The following TMED8 variants were observed in gnomAD, a reference collection of about 807,000 sequenced individuals.
TMED8 encodes transmembrane p24 trafficking protein family member 8.
In TMED8, 15 loss-of-function variants were observed where a neutral mutation model predicts 32.7. The observed-to-expected ratio is 0.46, with a 90% CI of 0.31 to 0.71. The LOEUF is 0.71. TMED8 is among the 30% of genes least tolerant of loss of function. The pLI is 0.06. For missense variants in TMED8, 390 were observed against 423.9 expected (o/e 0.92, Z 0.70); for synonymous variants, 147 against 161.4 (o/e 0.91, Z 0.68).
rs374684006 is a variant in TMED8, at chr14:77,372,610, C to T, written c.118+4326G>A. Among the ~76,000 whole-genome samples the T allele has an allele frequency of 2.1e-4, 32 of 152,152 alleles. 1 individual carries two copies. The East Asian group carries it at 6.0e-3, about 29-fold the overall frequency. On this transcript the variant is annotated intron_variant, in intron 1 of 5. Transcript: ENST00000216468. ...ATTTCTCTTCAGCCCTTGAGTGGGA[C>T]ATGCTCCTGAGAGGTCACTCAGATT...
chr14:77,350,180 T>TG (rs1199029881), intron 2 of TMED8, among the ~76,000 whole-genome samples: 2 of 152,082 alleles, frequency 1.3e-5, no homozygotes, highest in South Asian at 2.1e-4. Flanking sequence ...CAGTTGCATA[T>TG]GGGGGGTCTA....
At position 77,351,668 on chromosome 14, in the gene TMED8, G is replaced by C. The variant is rs760539198; in HGVS notation, c.197+5C>G. On this transcript the variant is annotated splice_donor_5th_base_variant and intron_variant, in intron 2 of 5. Transcript: ENST00000216468. ...CTGTGAAAGCATTCTATCCAAAGTG[G>C]TTACCTGTGGGGTGAGGAGCAGGGT... is the stretch of plus-strand genomic sequence containing the variant. 1 of 1,611,498 alleles carries C rather than the reference G, an allele frequency of 6.2e-7. No individual in the cohort carries two copies. The highest frequency in any genetic ancestry group is 8.5e-7 in the Non-Finnish European group (1 of 1,178,790).
chr14:77,361,912 C>T (rs1027518955), intron 1 of TMED8, among the ~76,000 whole-genome samples: 2 of 152,166 alleles, frequency 1.3e-5, no homozygotes, highest in Non-Finnish European at 2.9e-5. Flanking sequence ...ACCTCAGCCT[C>T]CCGAGTAGCT....
rs1369215163 is a variant in TMED8, at chr14:77,338,752, C to T, written c.*3019G>A. ...CCTCTAAATGTATTGAGACCTGTCT[C>T]AGATACTTTTTGGTTTACAATATAT... On this transcript the variant is annotated 3_prime_UTR_variant, in exon 6 of 6. Coordinates refer to ENST00000216468, the MANE Select transcript of TMED8 (RefSeq NM_213601.3). 6.6e-6 allele frequency: 1 copy of T among 152,208 alleles called. No individual in the cohort carries two copies. Among genetic ancestry groups the T allele is most frequent in the Non-Finnish European group, 1.5e-5 (1 of 68,032 alleles). 9.4% of individuals were successfully genotyped at this position (152,208 alleles called of 1,614,324 possible).
rs1308744982 is a variant in TMED8, at chr14:77,353,625, C to CT, written c.119-1875dup. ...CCCACCATGCCAGACTGATTTTTTT[C>CT]TTTTTTTTTTTGTAGAGATGGGGGT... On this transcript the variant is annotated intron_variant, in intron 1 of 5. Transcript: ENST00000216468. Among the ~76,000 whole-genome samples the CT allele has an allele frequency of 2.7e-3, 382 of 143,130 alleles. 1 individual carries two copies. The highest frequency in any genetic ancestry group is 3.6e-3 in the East Asian group (18 of 4,946). 93.9% of individuals were successfully genotyped at this position (143,130 alleles called of 152,430 possible).
chr14:77,351,816 C>T (rs1893187141), intron 1 of TMED8, 65 bp from the exon 2 acceptor site: 2 of 1,379,146 alleles, frequency 1.5e-6, no homozygotes, highest in Non-Finnish European at 2.0e-6. Flanking sequence ...TTATCTTGTA[C>T]CTTTAAAAAA....
In TMED8 at chr14:77,363,694, C is replaced by G. The variant is rs116629134; in HGVS notation, c.119-11943G>C. 9.7e-3 allele frequency among the ~76,000 whole-genome samples: 1,472 copies of G among 151,826 alleles called. 13 individuals carry two copies. Among genetic ancestry groups the G allele is most frequent in the African/African-American group, 0.034 (1,406 of 41,348 alleles). On this transcript the variant is annotated intron_variant, in intron 1 of 5. Transcript: ENST00000216468. ...AATAATAGTATCTCAAATAAATAGCCTAACATTATTCCTCTTTTTTTTTTT... is the reference window on the plus strand; with the variant it reads ...AATAATAGTATCTCAAATAAATAGCGTAACATTATTCCTCTTTTTTTTTTT...
At position 77,341,871 on chromosome 14, in the gene TMED8, TGGCTGCCA is replaced by T; in HGVS notation, c.870_877del (p.Gly291Ter). ...GTAGATGCCCTCACCAGGGTAGTCA[TGGCTGCCA>T]GCCTGCACGTCTCGGTGGCTGTCCC... On this transcript the variant is annotated frameshift_variant, in exon 6 of 6. Transcript: ENST00000216468. LOFTEE classifies it high-confidence loss of function. 6.2e-7 allele frequency: 1 copy of T among 1,612,180 alleles called. No homozygotes were observed. Among genetic ancestry groups the T allele is most frequent in the Non-Finnish European group, 8.5e-7 (1 of 1,179,768 alleles).
intron 1 of TMED8, among the ~76,000 whole-genome samples, chr14:77,364,536 T>C (rs1893507715): frequency 6.6e-6 from 1 of 152,058 alleles, no homozygotes; most frequent in South Asian, 2.1e-4. Flanking sequence ...TGAGCCATGA[T>C]ATTTTTTTTA....
At chr14:77,348,778 A>G (rs1381629701) in intron 2 of TMED8, among the ~76,000 whole-genome samples, 1 of 152,150 alleles carries the variant, frequency 6.6e-6, no homozygotes, top group Non-Finnish European at 1.5e-5. Flanking sequence ...TCCTTCAGAT[A>G]AAACAGAGCC....
Position 77,351,814 on chromosome 14 carries a change from T to C in TMED8, c.119-63A>G, listed in dbSNP as rs1287449688. ...AGGGAATACAATCATAATTATCTTG[T>C]ACCTTTAAAAAAATCTAGCAATTTC... On this transcript the variant is annotated intron_variant, in intron 1 of 5. Coordinates refer to ENST00000216468, the MANE Select transcript of TMED8 (RefSeq NM_213601.3). 8 of 1,385,420 alleles carry C rather than the reference T, an allele frequency of 5.8e-6. No homozygotes were observed. The Admixed American group carries it at 1.8e-4, about 31-fold the overall frequency. 85.8% of individuals were successfully genotyped at this position (1,385,420 alleles called of 1,614,324 possible).
intron 1 of TMED8, among the ~76,000 whole-genome samples, chr14:77,374,680 C>T (rs564650414): frequency 6.6e-6 from 1 of 152,254 alleles, no homozygotes; most frequent in South Asian, 2.1e-4. Context: ...CAAATATTTG[C>T]GAAACCTCTA....
rs1892733188 is a variant in TMED8 at position 77,335,177 on chromosome 14, C to T, written c.*6594G>A. The T allele has an allele frequency of 6.6e-6, 1 of 152,126 alleles. No homozygotes were observed. The highest frequency in any genetic ancestry group is 2.4e-5 in the African/African-American group (1 of 41,414). 9.4% of individuals were successfully genotyped at this position (152,126 alleles called of 1,614,324 possible). On this transcript the variant is annotated 3_prime_UTR_variant, in exon 6 of 6. Coordinates refer to ENST00000216468, the MANE Select transcript of TMED8 (RefSeq NM_213601.3). ...CACAGCTCAGAATCATCAGTGTAAT[C>T]GCAGTAACACACCCAGTGCCACAGG...
intron 1 of TMED8, among the ~76,000 whole-genome samples, chr14:77,375,204 T>C (rs1378000771): frequency 1.3e-5 from 2 of 152,064 alleles, no homozygotes; most frequent in Non-Finnish European, 2.9e-5. Context: ...TCTGGGCTAC[T>C]ATAATAAACC....
At chr14:77,343,537 C>T (rs763571078) in intron 4 of TMED8, 54 bp from the exon 5 acceptor site, 541 of 1,594,292 alleles carry the variant, frequency 3.4e-4, no homozygotes, top group Non-Finnish European at 4.4e-4. Flanking sequence ...ATGAGTACCC[C>T]GGGCATTTTG....
rs1283428892 is a variant in TMED8, at chr14:77,340,343, A to AGG, written c.*1427_*1428insCC. ...CTCAGAACAGATGGGAAGCCTTCTG[A>AGG]GAAACAGATGGAAACTGTTTCAAAG... On this transcript the variant is annotated 3_prime_UTR_variant, in exon 6 of 6. Coordinates refer to ENST00000216468, the MANE Select transcript of TMED8 (RefSeq NM_213601.3). 2 of 152,234 alleles carry AGG rather than the reference A, an allele frequency of 1.3e-5. No individual in the cohort carries two copies. The highest frequency in any genetic ancestry group is 1.3e-4 in the Admixed American group (2 of 15,280). 9.4% of individuals were successfully genotyped at this position (152,234 alleles called of 1,614,324 possible).
At chr14:77,356,020 G>GA (rs1893283281) in intron 1 of TMED8, among the ~76,000 whole-genome samples, 1 of 152,152 alleles carries the variant, frequency 6.6e-6, no homozygotes, top group Non-Finnish European at 1.5e-5. Flanking sequence ...CAAGTAAAGG[G>GA]AAAGAAAAAC....
chr14:77,369,902 T>A (rs1318749397), intron 1 of TMED8, among the ~76,000 whole-genome samples: 1 of 152,106 alleles, frequency 6.6e-6, no homozygotes. Flanking sequence ...CCAGGCACGG[T>A]GGCTCATGCC....
At chr14:77,348,630 T>C (rs1319585040) in intron 2 of TMED8, among the ~76,000 whole-genome samples, 1 of 152,204 alleles carries the variant, frequency 6.6e-6, no homozygotes. Context: ...AATCCCTGCT[T>C]GAGGGCATCA....
Sources: allele counts gnomAD v4.1 joint callset (sites outside exome capture counted in the v4.1 genomes callset), GRCh38; gene constraint gnomAD v4.1.1; transcripts MANE v1.5; gene names NCBI Gene and HGNC (gene_info 2026-07-23, HGNC 2026-07-21).